Variants in TDRD12 observed in about 807,000 individuals in gnomAD.
The protein encoded by TDRD12 is putative ATP-dependent RNA helicase TDRD12.
Under a neutral mutation model 133.5 loss-of-function variants are expected in TDRD12, and 158 were observed. The observed-to-expected ratio is 1.18, with a 90% CI of 1.04 to 1.35. The LOEUF (loss-of-function observed/expected upper bound fraction) is 1.35, where lower values mean the gene tolerates loss of function less well. TDRD12 is among the 40% of genes most tolerant of loss of function. TDRD12 has a pLI of 0.00. For missense variants in TDRD12, 1,443 were observed against 1,321.3 expected, an observed-to-expected ratio of 1.09 and a Z score of -1.43; for synonymous variants, 460 against 477.9, an observed-to-expected ratio of 0.96 and a Z score of 0.49.
intron 15 of TDRD12, 24 bp from the exon 16 acceptor site, chr19:32,798,284 G>C (rs1203285440): frequency 6.6e-7 from 1 of 1,515,240 alleles, no homozygotes; most frequent in African/African-American, 1.4e-5. Context: ...AATTGAAAAT[G>C]TTCACTTTTT....
chr19:32,791,809 C>A lies in TDRD12; in HGVS notation c.1287+741C>A, dbSNP rs140750962. 4.4e-3 allele frequency among the ~76,000 whole-genome samples: 677 copies of A among 152,164 alleles called. 6 individuals are homozygous for A. The highest frequency in any genetic ancestry group is 0.015 in the African/African-American group (642 of 41,512). ...TCTCCCATGAACAGGGCCTGCTTGC[C>A]TCCCTGCCTTTCTGCAGTGAGGTGA... On this transcript the variant is annotated intron_variant, in intron 13 of 27. Transcript: ENST00000444215.
At chr19:32,789,942 C>T (rs1378996582) in intron 11 of TDRD12, among the ~76,000 whole-genome samples, 1 of 151,888 alleles carries the variant, frequency 6.6e-6, no homozygotes, top group Non-Finnish European at 1.5e-5. Context: ...GCGGATGTTG[C>T]AGTCAGCTGA....
chr19:32,741,508 C>T (rs938723805), intron 3 of TDRD12, among the ~76,000 whole-genome samples: 2 of 152,218 alleles, frequency 1.3e-5, no homozygotes, highest in East Asian at 3.8e-4. Context: ...CAACCGTAAT[C>T]GCTGCAAAAA....
In TDRD12 at chr19:32,719,945, C is replaced by T. The variant is rs938209401; in HGVS notation, c.-128C>T. The T allele has an allele frequency of 1.9e-5, 23 of 1,198,766 alleles. No individual in the cohort carries two copies. The East Asian group carries it at 3.6e-4, about 19-fold the overall frequency. 74.3% of individuals were successfully genotyped at this position (1,198,766 alleles called of 1,614,324 possible). ...GGGCACCTGCCGCGGGGGGCCCAGGCGCTAAAGGTGGAGGGAAGGAACGCA... is the reference window on the plus strand; with the variant it reads ...GGGCACCTGCCGCGGGGGGCCCAGGTGCTAAAGGTGGAGGGAAGGAACGCA... On this transcript the variant is annotated 5_prime_UTR_variant, in exon 1 of 28. Transcript: ENST00000444215.
At chr19:32,800,028 C>A in intron 16 of TDRD12, 139 bp from the exon 17 acceptor site, 2 of 611,680 alleles carry the variant, frequency 3.3e-6, no homozygotes, top group Non-Finnish European at 5.5e-6. Context: ...GCCACCACAC[C>A]TGGCCTTTTC....
At chr19:32,779,426 C>T (rs1460970428) in intron 11 of TDRD12, among the ~76,000 whole-genome samples, 1 of 152,172 alleles carries the variant, frequency 6.6e-6, no homozygotes, top group African/African-American at 2.4e-5. Flanking sequence ...CCCCAAGTTA[C>T]AGTACATTCT....
In TDRD12 at chr19:32,737,898, C is replaced by T. The variant is rs776979107; in HGVS notation, c.184-958C>T. Among the ~76,000 whole-genome samples, 5 of 151,852 alleles carry T rather than the reference C, an allele frequency of 3.3e-5. 1 individual carries two copies. The highest frequency in any genetic ancestry group is 2.6e-4 in the Admixed American group (4 of 15,262). On this transcript the variant is annotated intron_variant, in intron 2 of 27. Coordinates refer to ENST00000444215, the Ensembl canonical transcript of TDRD12. The stretch of plus-strand genomic sequence containing the variant: ...CTGTAATCCCAGCAGTTTGGGAGGC[C>T]GAGGCGGGTGGATCACCTGAGGTCA...
chr19:32,780,228 C>T (rs986411769), intron 11 of TDRD12, among the ~76,000 whole-genome samples: 8 of 151,916 alleles, frequency 5.3e-5, no homozygotes, highest in African/African-American at 1.7e-4. Context: ...GGATTACAGG[C>T]GCATGCCACC....
At chr19:32,739,072 C>A (rs1049248741) in intron 3 of TDRD12, 80 bp downstream of exon 3, 3 of 1,499,070 alleles carry the variant, frequency 2.0e-6, no homozygotes, top group Non-Finnish European at 2.7e-6. Flanking sequence ...TTTTAAAGTA[C>A]GGGGCTAGAG....
At chr19:32,738,183 G>A (rs1258061178) in intron 2 of TDRD12, among the ~76,000 whole-genome samples, 2 of 152,168 alleles carry the variant, frequency 1.3e-5, no homozygotes, top group Non-Finnish European at 2.9e-5. Context: ...GGATGAGCCT[G>A]GTGGCAGCTT....
In TDRD12 at chr19:32,811,400, G is replaced by T. The variant is rs1396162558; in HGVS notation, c.3028G>T (p.Glu1010Ter). Residue 1010 changes from glutamate (E) to a stop codon, truncating the protein, a stop_gained, in exon 24 of 28, where the codon GAA (glutamate) becomes TAA (stop). Transcript: ENST00000444215. LOFTEE classifies it high-confidence loss of function. ...CTGTAGGGTGAAACCTGCTGACAAC[G>T]AAATAGAATGGAATCCGAAGGTGGG... 1.3e-6 allele frequency: 2 copies of T among 1,536,120 alleles called. No individual in the cohort carries two copies. Among genetic ancestry groups the T allele is most frequent in the Admixed American group, 3.9e-5 (2 of 51,008 alleles).
intron 17 of TDRD12, 43 bp downstream of exon 17, chr19:32,800,401 G>GTA: frequency 1.5e-6 from 2 of 1,307,576 alleles, no homozygotes; most frequent in Middle Eastern, 2.0e-4. Context: ...GTGTGTGTGT[G>GTA]TATGTGTTGG....
At chr19:32,792,412 G>A (rs1971098755) in intron 13 of TDRD12, among the ~76,000 whole-genome samples, 1 of 152,114 alleles carries the variant, frequency 6.6e-6, no homozygotes, top group African/African-American at 2.4e-5. Context: ...TCTCTCTGGG[G>A]ATATTGAAAA....
intron 8 of TDRD12, among the ~76,000 whole-genome samples, chr19:32,771,137 G>A (rs780854859): frequency 6.6e-5 from 10 of 152,144 alleles, no homozygotes; most frequent in Non-Finnish European, 1.0e-4. Flanking sequence ...TGTCAAGAGA[G>A]GAAGAGAGAA....
chr19:32,724,733 TACCCAGTAATGGGATTG>T (rs1321485166), intron 1 of TDRD12, among the ~76,000 whole-genome samples: 5 of 152,182 alleles, frequency 3.3e-5, no homozygotes, highest in Non-Finnish European at 5.9e-5. Context: ...TTTTGGTATA[TACCCAGTAATGGGATTG>T]CTGGGTTTTT....
chr19:32,765,534 A>G (rs997361876), intron 8 of TDRD12, among the ~76,000 whole-genome samples: 11 of 152,220 alleles, frequency 7.2e-5, no homozygotes, highest in African/African-American at 2.7e-4. Flanking sequence ...TGTGGCACAT[A>G]TACACCATGG....
chr19:32,731,226 G>T (rs1330395899), intron 1 of TDRD12, among the ~76,000 whole-genome samples: 2 of 151,954 alleles, frequency 1.3e-5, no homozygotes, highest in African/African-American at 4.8e-5. Flanking sequence ...TGAGCAGAAT[G>T]TACTTATATT....
At chr19:32,722,146 C>T (rs868583825) in intron 1 of TDRD12, among the ~76,000 whole-genome samples, 2 of 152,148 alleles carry the variant, frequency 1.3e-5, no homozygotes, top group Admixed American at 1.3e-4. Context: ...TTTAGGTGTT[C>T]AGATCCACCA....
intron 21 of TDRD12, among the ~76,000 whole-genome samples, chr19:32,805,081 T>G (rs1971504504): frequency 1.3e-5 from 2 of 151,346 alleles, no homozygotes; most frequent in Admixed American, 6.6e-5. Context: ...GAGGATCACT[T>G]GAGCTCAGGA....
Sources: gnomAD v4.1 joint callset for allele counts (sites outside exome capture counted in the v4.1 genomes callset) on GRCh38, gnomAD v4.1.1 for gene constraint, MANE v1.5 for transcripts, NCBI Gene and HGNC (gene_info 2026-07-23, HGNC 2026-07-21) for gene names.